PHGDH: variants seen among roughly 807,000 people sequenced by gnomAD.
PHGDH encodes D-3-phosphoglycerate dehydrogenase.
A neutral mutation model predicts 52.6 loss-of-function variants in PHGDH; 50 were observed. The observed-to-expected ratio is 0.95, with a 90% CI of 0.76 to 1.20. The LOEUF (loss-of-function observed/expected upper bound fraction) is 1.20, where lower values mean the gene tolerates loss of function less well. PHGDH is among the 50% of genes most tolerant of loss of function. PHGDH has a pLI of 0.00. For synonymous variants in PHGDH, 271 were observed against 280.5 expected (o/e 0.97, Z 0.34); for missense variants, 630 against 684.6 (o/e 0.92, Z 0.89).
In PHGDH at chr1:119,727,072, A is replaced by C; in HGVS notation, c.480A>C (p.Val160=). The change falls in exon 5 of 12, where the codon GTA becomes GTC. Residue 160 remains valine, a synonymous_variant. Transcript: ENST00000641023. ...ILGLGRIGRE[V]ATRMQSFGMK... ...GCCTGGGCAGGATTGGGAGAGAGGT[A>C]GCTACCCGGATGCAGTCCTTTGGGA... 1 of 1,609,476 alleles carries C rather than the reference A, an allele frequency of 6.2e-7. No homozygotes were observed. Among genetic ancestry groups the C allele is most frequent in the Non-Finnish European group, 8.5e-7 (1 of 1,175,690 alleles).
intron 1 of PHGDH, among the ~76,000 whole-genome samples, chr1:119,718,895 T>C (rs1278145782): frequency 6.6e-6 from 1 of 152,104 alleles, no homozygotes. Flanking sequence ...ATGAAACATA[T>C]TATATTGGTG....
intron 3 of PHGDH, chr1:119,725,017 G>A (rs927072755): frequency 8.8e-6 from 4 of 456,508 alleles, no homozygotes; most frequent in African/African-American, 4.0e-5. Flanking sequence ...TGGGTGGAGA[G>A]CAGGCGTGGC....
chr1:119,716,330 AC>A (rs137886771), intron 1 of PHGDH, among the ~76,000 whole-genome samples: 5,037 of 152,182 alleles, frequency 0.033, 115 homozygotes, highest in Middle Eastern at 0.085. Context: ...AAGTGAAGAG[AC>A]TACAGCATAA....
intron 5 of PHGDH, among the ~76,000 whole-genome samples, chr1:119,729,082 C>T (rs1471337733): frequency 2.0e-5 from 3 of 152,192 alleles, no homozygotes; most frequent in African/African-American, 4.8e-5. Flanking sequence ...TGCCTCCACT[C>T]CCCATCTTAT....
At chr1:119,730,684 G>C (rs759644828) in intron 5 of PHGDH, among the ~76,000 whole-genome samples, 1 of 152,156 alleles carries the variant, frequency 6.6e-6, no homozygotes, top group Non-Finnish European at 1.5e-5. Context: ...TCAATGATGG[G>C]TATTTAGATT....
intron 2 of PHGDH, 36 bp from the exon 3 acceptor site, chr1:119,723,338 CTG>C (rs779986542): frequency 6.7e-7 from 1 of 1,501,460 alleles, no homozygotes; most frequent in South Asian, 1.1e-5. Flanking sequence ...AATACTGGGT[CTG>C]TGCCCATTGA....
At chr1:119,728,078 C>T (rs144067096) in intron 5 of PHGDH, among the ~76,000 whole-genome samples, 1 of 152,160 alleles carries the variant, frequency 6.6e-6, no homozygotes, top group Non-Finnish European at 1.5e-5. Context: ...TATAATGAGC[C>T]AGGGGGTCAG....
intron 3 of PHGDH, among the ~76,000 whole-genome samples, chr1:119,725,488 A>G (rs1651365350): frequency 6.6e-6 from 1 of 152,226 alleles, no homozygotes; most frequent in South Asian, 2.1e-4. Context: ...CAGTTCCTCA[A>G]GGCAAGTCCC....
At chr1:119,743,747 T>G in intron 11 of PHGDH, 139 bp from the exon 12 acceptor site, 1 of 771,906 alleles carries the variant, frequency 1.3e-6, no homozygotes, top group Non-Finnish European at 2.4e-6. Context: ...CTCTCCCATC[T>G]CAGCTCTTTG....
At chr1:119,726,529 C>G (rs901121246) in intron 3 of PHGDH, 5 of 463,026 alleles carry the variant, frequency 1.1e-5, no homozygotes, top group African/African-American at 9.8e-5. Context: ...GTTATCCCTA[C>G]AGACCCTGGA....
intron 2 of PHGDH, 98 bp from the exon 3 acceptor site, chr1:119,723,278 G>C (rs587731269): frequency 1.1e-6 from 1 of 933,968 alleles, no homozygotes; most frequent in South Asian, 1.3e-5. Flanking sequence ...TGGAGCAGGA[G>C]TGAGAGAACA....
At chr1:119,733,496 G>T (rs1651794472) in intron 5 of PHGDH, among the ~76,000 whole-genome samples, 1 of 129,674 alleles carries the variant, frequency 7.7e-6, no homozygotes, top group African/African-American at 3.1e-5. Context: ...ACCAAACTTG[G>T]CTAGTTTTTT....
At chr1:119,728,186 A>G (rs758524511) in intron 5 of PHGDH, among the ~76,000 whole-genome samples, 1 of 152,106 alleles carries the variant, frequency 6.6e-6, no homozygotes, top group Non-Finnish European at 1.5e-5. Context: ...GAATATGAAT[A>G]CCGAGGCTTA....
At chr1:119,720,608 C>T (rs1042595964) in intron 1 of PHGDH, 9 of 186,080 alleles carry the variant, frequency 4.8e-5, no homozygotes, top group South Asian at 1.2e-4. Flanking sequence ...TTGAGAAGGC[C>T]GAAGCTGATT....
chr1:119,718,353 G>A (rs1651018102), intron 1 of PHGDH, among the ~76,000 whole-genome samples: 1 of 152,218 alleles, frequency 6.6e-6, no homozygotes, highest in African/African-American at 2.4e-5. Flanking sequence ...TGTAATATCT[G>A]TCTTAGGATT....
Position 119,726,179 on chromosome 1 carries a change from AGTGTGTGTGTGTGTGTGTGTGT to A in PHGDH, c.357-647_357-626del, listed in dbSNP as rs55671458. 3.8e-5 allele frequency among the ~76,000 whole-genome samples: 5 copies of A among 131,268 alleles called. No individual in the cohort carries two copies. The East Asian group carries it at 9.2e-4, about 24-fold the overall frequency. The allele number at this position is 131,268 out of a possible 152,430, so 86.1% of individuals were successfully genotyped here. On this transcript the variant is annotated intron_variant, in intron 3 of 11. Transcript: ENST00000641023. ...TAATAGGAGGAGACAGGCTGTGAAG[AGTGTGTGTGTGTGTGTGTGTGT>A]GTGTGTGTGTGTGTGTGTGTGTGTT...
At chr1:119,721,392 A>G (rs1396276612) in intron 2 of PHGDH, 71 bp downstream of exon 2, 1 of 1,488,146 alleles carries the variant, frequency 6.7e-7, no homozygotes, top group South Asian at 1.2e-5. Flanking sequence ...ACCTAGGGAG[A>G]AAAAACTCAC....
At position 119,727,114 on chromosome 1, in the gene PHGDH, C is replaced by T. The variant is rs932348459; in HGVS notation, c.510+12C>T. 1 of 1,492,630 alleles carries T rather than the reference C, an allele frequency of 6.7e-7. No homozygotes were observed. The highest frequency in any genetic ancestry group is 1.4e-5 in the African/African-American group (1 of 72,758). 92.5% of individuals were successfully genotyped at this position (1,492,630 alleles called of 1,614,324 possible). ...CCTTTGGGATGAAGGTAAGATGTTG[C>T]TGGAACCCTGTGATGTGGGACTTTC... On this transcript the variant is annotated intron_variant, in intron 5 of 11. Coordinates refer to ENST00000641023, the MANE Select transcript of PHGDH (RefSeq NM_006623.4).
intron 1 of PHGDH, chr1:119,720,579 T>C (rs1015783656): frequency 1.0e-4 from 18 of 177,532 alleles, no homozygotes; most frequent in African/African-American, 4.3e-4. Context: ...CTGTTCTCTC[T>C]CGCTTGTTCC....
Sources: gnomAD v4.1 joint callset for allele counts (sites outside exome capture counted in the v4.1 genomes callset) on GRCh38, gnomAD v4.1.1 for gene constraint, MANE v1.5 for transcripts, NCBI Gene and HGNC (gene_info 2026-07-23, HGNC 2026-07-21) for gene names.